TBCEL: variants seen among roughly 807,000 people sequenced by gnomAD.
TBCEL encodes the protein tubulin folding cofactor E like.
In TBCEL, 15 loss-of-function variants were observed where a neutral mutation model predicts 44.2. The ratio of observed to expected loss-of-function variants is 0.34; its 90% confidence interval spans 0.23 to 0.52. The LOEUF (loss-of-function observed/expected upper bound fraction) is 0.52. TBCEL is among the 20% of genes least tolerant of loss of function. The pLI, the probability that TBCEL is intolerant of heterozygous loss-of-function variation, is 0.95. For synonymous variants in TBCEL, 171 were observed against 185.4 expected, an observed-to-expected ratio of 0.92 and a Z score of 0.63; for missense variants, 319 against 506.3, an observed-to-expected ratio of 0.63 and a Z score of 3.55.
intron 8 of TBCEL, among the ~76,000 whole-genome samples, chr11:121,069,815 G>T (rs1246150487): frequency 6.6e-6 from 1 of 151,996 alleles, no homozygotes; most frequent in African/African-American, 2.4e-5. Flanking sequence ...TTAATAACTG[G>T]GAAGTAATGA....
chr11:121,032,184 A>G (rs1180298749), intron 1 of TBCEL, among the ~76,000 whole-genome samples: 1 of 152,194 alleles, frequency 6.6e-6, no homozygotes, highest in Non-Finnish European at 1.5e-5. Flanking sequence ...TCCTAGCACC[A>G]ATTATTGAAT....
intron 5 of TBCEL, among the ~76,000 whole-genome samples, chr11:121,053,952 G>A (rs911067092): frequency 1.3e-5 from 2 of 151,806 alleles, no homozygotes; most frequent in Non-Finnish European, 2.9e-5. Context: ...CATGGGATAT[G>A]TCATCTCTGA....
chr11:121,060,160 T>G, intron 8 of TBCEL, 75 bp downstream of exon 8: 1 of 1,011,684 alleles, frequency 9.9e-7, no homozygotes, highest in South Asian at 1.4e-5. Context: ...TAGAGCAAAA[T>G]CTAATCATTT....
intron 6 of TBCEL, among the ~76,000 whole-genome samples, chr11:121,057,042 T>C (rs192959149): frequency 6.6e-6 from 1 of 151,970 alleles, no homozygotes; most frequent in African/African-American, 2.4e-5. Flanking sequence ...TAATTTACCA[T>C]AGAGGTTTTA....
intron 1 of TBCEL, among the ~76,000 whole-genome samples, chr11:121,024,524 T>TTGAGC (rs1945009817): frequency 6.9e-6 from 1 of 144,886 alleles, no homozygotes; most frequent in Non-Finnish European, 1.5e-5. Flanking sequence ...TGGGAGGGTC[T>TTGAGC]TGGGCTGGGC....
At chr11:121,029,571 A>C (rs1025659414) in intron 1 of TBCEL, among the ~76,000 whole-genome samples, 4 of 152,274 alleles carry the variant, frequency 2.6e-5, no homozygotes, top group Non-Finnish European at 5.9e-5. Context: ...AACTAACTGA[A>C]GACCATGCTT....
At chr11:121,047,482 A>G in intron 3 of TBCEL, 46 bp from the exon 4 acceptor site, 1 of 1,605,062 alleles carries the variant, frequency 6.2e-7, no homozygotes, top group Non-Finnish European at 8.5e-7. Flanking sequence ...TATGTAGACA[A>G]GAATTTGGCT....
At chr11:121,042,599 C>G (rs749079944) in intron 2 of TBCEL, among the ~76,000 whole-genome samples, 1 of 152,062 alleles carries the variant, frequency 6.6e-6, no homozygotes, top group Non-Finnish European at 1.5e-5. Flanking sequence ...AAGGGCAGCC[C>G]TCTATTTTCA....
rs868089164 is a variant in TBCEL at position 121,065,660 on chromosome 11, T to A, written c.956+5575T>A. Among the ~76,000 whole-genome samples, 10 of 152,346 alleles carry A rather than the reference T, an allele frequency of 6.6e-5. No individual in the cohort carries two copies. In the South Asian group the frequency reaches 2.1e-3, roughly 32 times the overall value. On this transcript the variant is annotated intron_variant, in intron 8 of 8. Transcript: ENST00000683345. ...GCCTAAAGCCTAGTTTATGGGGATTTGACCTTAACATTTTCTGTATTTAAG... is the reference window on the plus strand; with the variant it reads ...GCCTAAAGCCTAGTTTATGGGGATTAGACCTTAACATTTTCTGTATTTAAG...
chr11:121,047,517 T>C lies in TBCEL; in HGVS notation c.134-11T>C, dbSNP rs1945451206. On this transcript the variant is annotated splice_polypyrimidine_tract_variant and intron_variant, in intron 3 of 8. Coordinates refer to ENST00000683345, the MANE Select transcript of TBCEL (RefSeq NM_001363644.2). ...TGATATAGAAAACATTTTGTGTCTC[T>C]CATCATTCAGATCGCCTCAACCTCC... is the stretch of plus-strand genomic sequence containing the variant. The C allele has an allele frequency of 6.2e-7, 1 of 1,611,330 alleles. No individual in the cohort carries two copies. Among genetic ancestry groups the C allele is most frequent in the Non-Finnish European group, 8.5e-7 (1 of 1,178,314 alleles).
At chr11:121,073,462 T>C (rs1945974028) in intron 8 of TBCEL, among the ~76,000 whole-genome samples, 1 of 152,012 alleles carries the variant, frequency 6.6e-6, no homozygotes, top group African/African-American at 2.4e-5. Context: ...TGTTGCTCTA[T>C]AGAAATGTCT....
chr11:121,050,094 A>G (rs1478729859), intron 4 of TBCEL, among the ~76,000 whole-genome samples: 1 of 151,582 alleles, frequency 6.6e-6, no homozygotes, highest in East Asian at 1.9e-4. Context: ...ACTGTAGTTG[A>G]TCCCAGTCTT....
At position 121,053,688 on chromosome 11, in the gene TBCEL, A is replaced by G; in HGVS notation, c.411A>G (p.Lys137=). ...GCAAACTTGTCCTCAACAACAGCAA[A>G]GCTTCTTGGGAGACGGTCCACATGA... is the stretch of plus-strand genomic sequence containing the variant. ...GVRKLVLNNS[K]ASWETVHMIL... is the part of the protein sequence containing the mutation. The change falls in exon 5 of 9, where the codon AAA becomes AAG. Residue 137 remains lysine, a synonymous_variant. Transcript: ENST00000683345. The G allele has an allele frequency of 6.2e-7, 1 of 1,612,080 alleles. No homozygotes were observed. The highest frequency in any genetic ancestry group is 8.5e-7 in the Non-Finnish European group (1 of 1,178,866).
chr11:121,024,524 T>TTGGGC (rs146741117), intron 1 of TBCEL, among the ~76,000 whole-genome samples: 28,024 of 144,356 alleles, frequency 0.19, 2,872 homozygotes, highest in East Asian at 0.3. Flanking sequence ...TGGGAGGGTC[T>TTGGGC]TGGGCTGGGC....
intron 8 of TBCEL, among the ~76,000 whole-genome samples, chr11:121,081,050 A>G (rs918584610): frequency 3.9e-5 from 6 of 152,142 alleles, no homozygotes; most frequent in Non-Finnish European, 5.9e-5. Context: ...CCTGATTTCT[A>G]ACTGCTTATG....
intron 4 of TBCEL, among the ~76,000 whole-genome samples, chr11:121,049,860 A>C (rs2134933622): frequency 6.6e-6 from 1 of 151,908 alleles, no homozygotes; most frequent in South Asian, 2.1e-4. Flanking sequence ...TTCCCTGCTT[A>C]GACAAAAGTC....
intron 8 of TBCEL, among the ~76,000 whole-genome samples, chr11:121,067,042 T>C (rs1463370295): frequency 6.6e-6 from 1 of 152,242 alleles, no homozygotes. Flanking sequence ...TTCCTCCTTT[T>C]ATTTTCCTCT....
At chr11:121,079,990 T>G (rs760239739) in intron 8 of TBCEL, among the ~76,000 whole-genome samples, 1 of 152,234 alleles carries the variant, frequency 6.6e-6, no homozygotes, top group East Asian at 1.9e-4. Flanking sequence ...ATTTTTTTTG[T>G]ATTTTTACTA....
rs936638248 is a variant in TBCEL, at chr11:121,047,501, A to C, written c.134-27A>C. ...TAGACAAGAATTTGGCTGATATAGAAAACATTTTGTGTCTCTCATCATTCA... is the reference window on the plus strand; with the variant it reads ...TAGACAAGAATTTGGCTGATATAGACAACATTTTGTGTCTCTCATCATTCA... On this transcript the variant is annotated intron_variant, in intron 3 of 8. Transcript: ENST00000683345. 4 of 1,608,432 alleles carry C rather than the reference A, an allele frequency of 2.5e-6. No homozygotes were observed. The African/African-American group carries it at 5.4e-5, about 22-fold the overall frequency.
Sources: gnomAD v4.1 joint callset for allele counts (sites outside exome capture counted in the v4.1 genomes callset) on GRCh38, gnomAD v4.1.1 for gene constraint, MANE v1.5 for transcripts, NCBI Gene and HGNC (gene_info 2026-07-23, HGNC 2026-07-21) for gene names.